DCDC2C: variants seen among roughly 807,000 people sequenced by gnomAD.
DCDC2C encodes doublecortin domain containing 2C.
Under a neutral mutation model 45.0 loss-of-function variants are expected in DCDC2C, and 44 were observed. The ratio of observed to expected loss-of-function variants is 0.98; its 90% CI spans 0.77 to 1.26. The LOEUF is 1.26. Ranked by LOEUF, DCDC2C falls within the 50% of genes most tolerant of loss-of-function variation. The probability of loss-of-function intolerance (pLI) is 0.00; values close to 1 mark genes in which losing one functional copy is unlikely to be tolerated. For synonymous variants in DCDC2C, 187 were observed against 178.8 expected, an observed-to-expected ratio of 1.05 and a Z score of -0.37; for missense variants, 447 against 468.9, an observed-to-expected ratio of 0.95 and a Z score of 0.43.
At chr2:3,766,825 T>C (rs1442740152) in intron 6 of DCDC2C, among the ~76,000 whole-genome samples, 1 of 152,216 alleles carries the variant, frequency 6.6e-6, no homozygotes, top group African/African-American at 2.4e-5. Flanking sequence ...AGATAGTTTA[T>C]GGGATAGAAG....
chr2:3,847,142 T>C lies in DCDC2C; in HGVS notation c.1066-12T>C. On this transcript the variant is annotated splice_polypyrimidine_tract_variant and intron_variant, in intron 10 of 10. Coordinates refer to ENST00000399143, the MANE Select transcript of DCDC2C (RefSeq NM_001287444.2). ...GATGTTCTCTGTTAACCTGCTTTTC[T>C]ATGTCTTCCAGATGGCCCGGGAGTG... The C allele has an allele frequency of 1.6e-6, 2 of 1,231,548 alleles. No homozygotes were observed. Among genetic ancestry groups the C allele is most frequent in the Non-Finnish European group, 2.0e-6 (2 of 987,822 alleles). 76.3% of individuals were successfully genotyped at this position (1,231,548 alleles called of 1,614,324 possible). A position where few individuals can be genotyped will look rare whatever the true frequency, so the allele number is the denominator to read the frequency against.
intron 9 of DCDC2C, among the ~76,000 whole-genome samples, chr2:3,782,699 T>C (rs1187469933): frequency 6.6e-6 from 1 of 152,180 alleles, no homozygotes; most frequent in Non-Finnish European, 1.5e-5. Flanking sequence ...AGGTTGGTTC[T>C]CAATCTCCTG....
intron 3 of DCDC2C, among the ~76,000 whole-genome samples, chr2:3,736,635 C>T (rs1011487824): frequency 6.6e-6 from 1 of 152,192 alleles, no homozygotes; most frequent in African/African-American, 2.4e-5. Flanking sequence ...CCCAAAAGAG[C>T]CCATGGTTTC....
chr2:3,730,737 T>C (rs1668844480), intron 3 of DCDC2C, among the ~76,000 whole-genome samples: 1 of 152,228 alleles, frequency 6.6e-6, no homozygotes, highest in African/African-American at 2.4e-5. Flanking sequence ...GCCTGGGTCG[T>C]GACTGCCCTC....
intron 10 of DCDC2C, among the ~76,000 whole-genome samples, chr2:3,823,102 C>T (rs984035665): frequency 1.8e-4 from 27 of 152,300 alleles, no homozygotes; most frequent in African/African-American, 6.5e-4. Context: ...TCTTTATCAG[C>T]AGCATGAAAA....
chr2:3,763,427 T>TA (rs978970004), intron 6 of DCDC2C, among the ~76,000 whole-genome samples: 1 of 152,168 alleles, frequency 6.6e-6, no homozygotes, highest in African/African-American at 2.4e-5. Context: ...GGTCATGGAT[T>TA]TTTCTAAAAT....
In DCDC2C at chr2:3,818,459, C is replaced by T. The variant is rs574838301; in HGVS notation, c.1066-28695C>T. Among the ~76,000 whole-genome samples, 18 of 152,138 alleles carry T rather than the reference C, an allele frequency of 1.2e-4. No individual in the cohort carries two copies. Among genetic ancestry groups the T allele is most frequent in the African/African-American group, 3.6e-4 (15 of 41,482 alleles). On this transcript the variant is annotated intron_variant, in intron 10 of 10. Coordinates refer to ENST00000399143, the MANE Select transcript of DCDC2C (RefSeq NM_001287444.2). The surrounding 1 kb of genome is among the most constrained non-coding windows in gnomAD (Gnocchi z 4.7). ...AGGAGAGTATATGGCTTTGGCACCA[C>T]GGGGTGGATAGGCAAGACAATTTGG...
At chr2:3,789,957 G>GT (rs1558228958) in intron 10 of DCDC2C, among the ~76,000 whole-genome samples, 1 of 152,184 alleles carries the variant, frequency 6.6e-6, no homozygotes, top group Non-Finnish European at 1.5e-5. Context: ...GTTGTGTGCT[G>GT]TTGCATGCTT....
At chr2:3,755,028 G>A (rs1308439912) in intron 6 of DCDC2C, among the ~76,000 whole-genome samples, 1 of 152,198 alleles carries the variant, frequency 6.6e-6, no homozygotes, top group Non-Finnish European at 1.5e-5. Flanking sequence ...TGACAGTAAG[G>A]CAGCAGTGGG....
At chr2:3,716,229 C>T (rs1668346882) in intron 2 of DCDC2C, among the ~76,000 whole-genome samples, 1 of 151,992 alleles carries the variant, frequency 6.6e-6, no homozygotes, top group Admixed American at 6.6e-5. Flanking sequence ...AAGGGAGTTC[C>T]GATGACAGGG....
Position 3,756,196 on chromosome 2 carries a change from G to A in DCDC2C, c.726+1562G>A, listed in dbSNP as rs570196248. Among the ~76,000 whole-genome samples, 58 of 152,282 alleles carry A rather than the reference G, an allele frequency of 3.8e-4. No individual in the cohort carries two copies. The South Asian group carries it at 0.012, about 30-fold the overall frequency. On this transcript the variant is annotated intron_variant, in intron 6 of 10. Transcript: ENST00000399143. The stretch of plus-strand genomic sequence containing the variant: ...GAAGATTTGCAGAAGCTGGGTCCTA[G>A]AGGGGCTTACCAGTCCTTGTAACTG...
At chr2:3,732,945 C>T (rs374304167) in intron 3 of DCDC2C, among the ~76,000 whole-genome samples, 1 of 152,060 alleles carries the variant, frequency 6.6e-6, no homozygotes, top group African/African-American at 2.4e-5. Flanking sequence ...ATGCAGTCTT[C>T]GACTAATATA....
intron 10 of DCDC2C, among the ~76,000 whole-genome samples, chr2:3,800,927 G>C (rs941382015): frequency 2.0e-5 from 3 of 152,118 alleles, no homozygotes; most frequent in African/African-American, 7.2e-5. Flanking sequence ...CAGGGAAGGA[G>C]GCCAATGACT....
chr2:3,842,539 T>A (rs4849929), intron 10 of DCDC2C, among the ~76,000 whole-genome samples: 1 of 150,918 alleles, frequency 6.6e-6, no homozygotes, highest in Non-Finnish European at 1.5e-5. Context: ...AAAAAGTGAA[T>A]GTGCCTGAGG....
chr2:3,778,137 G>T (rs186707371), intron 8 of DCDC2C, among the ~76,000 whole-genome samples: 1 of 151,610 alleles, frequency 6.6e-6, no homozygotes, highest in East Asian at 2.0e-4. Flanking sequence ...GAAACAGGAG[G>T]CGCCGGGGCC....
chr2:3,822,551 T>A (rs1323403147), intron 10 of DCDC2C, among the ~76,000 whole-genome samples: 1 of 57,240 alleles, frequency 1.7e-5, no homozygotes, highest in Non-Finnish European at 3.7e-5. Flanking sequence ...TTTGCTGATT[T>A]TTTTTTTTCC....
chr2:3,728,939 T>C (rs1021004714), intron 3 of DCDC2C, among the ~76,000 whole-genome samples: 34 of 152,020 alleles, frequency 2.2e-4, no homozygotes, highest in Non-Finnish European at 2.6e-4. Context: ...AAGTCACTGA[T>C]TTGGAGGTTG....
rs536702625 is a variant in DCDC2C at position 3,756,983 on chromosome 2, A to G, written c.726+2349A>G. 1.1e-4 allele frequency among the ~76,000 whole-genome samples: 16 copies of G among 152,362 alleles called. No homozygotes were observed. The East Asian group carries it at 3.1e-3, about 29-fold the overall frequency. ...GATGAATGATGATCACTGAGATTAC[A>G]AAAATGATATGCCTTACTCCATTGT... On this transcript the variant is annotated intron_variant, in intron 6 of 10. Transcript: ENST00000399143.
intron 2 of DCDC2C, among the ~76,000 whole-genome samples, chr2:3,712,399 C>T (rs1668236639): frequency 6.6e-6 from 1 of 151,664 alleles, no homozygotes; most frequent in Admixed American, 6.6e-5. Context: ...GGTGCCATGG[C>T]TCACACCTGT....
Sources: allele counts gnomAD v4.1 joint callset (sites outside exome capture counted in the v4.1 genomes callset), GRCh38; gene constraint gnomAD v4.1.1; non-coding constraint Gnocchi (gnomAD v3.1); transcripts MANE v1.5; gene names NCBI Gene and HGNC (gene_info 2026-07-23, HGNC 2026-07-21).